NSD1: variants seen among roughly 807,000 people sequenced by gnomAD.
NSD1 encodes the protein histone-lysine N-methyltransferase, H3 lysine-36 specific.
Under a neutral mutation model 242.7 loss-of-function variants are expected in NSD1, and 26 were observed. That is an observed-to-expected ratio of 0.11 (90% CI 0.08 to 0.15). NSD1 has a LOEUF of 0.15. Among genes scored for constraint, NSD1 ranks in the 10% least tolerant of loss-of-function variants. The probability of loss-of-function intolerance (pLI) is 1.00; values close to 1 mark genes in which losing one functional copy is unlikely to be tolerated. For synonymous variants in NSD1, 1,106 were observed against 1,178.1 expected (o/e 0.94, Z 1.25); for missense variants, 2,495 against 3,272.8 (o/e 0.76, Z 5.80).
Position 177,269,567 on chromosome 5 carries a change from CT to C in NSD1, c.5304-34del. 6.3e-7 allele frequency: 1 copy of C among 1,596,768 alleles called. No homozygotes were observed. The highest frequency in any genetic ancestry group is 8.6e-7 in the Non-Finnish European group (1 of 1,164,522). Reference sequence around the variant, plus strand: ...TATTTTCCTAATGCCTTGCAGCCTTCTAGAGGTTTTCCTTCTCCTTTTCACC... The same window carrying C: ...TATTTTCCTAATGCCTTGCAGCCTTCAGAGGTTTTCCTTCTCCTTTTCACC... On this transcript the variant is annotated intron_variant, in intron 15 of 22. Transcript: ENST00000439151. The surrounding 1 kb of genome is among the most constrained non-coding windows in gnomAD (Gnocchi z 5.1).
At chr5:177,213,493 A>C (rs1763521359) in intron 5 of NSD1, among the ~76,000 whole-genome samples, 1 of 151,896 alleles carries the variant, frequency 6.6e-6, no homozygotes, top group Non-Finnish European at 1.5e-5. Context: ...CTTGAGACGG[A>C]GTCTCGCTCT....
chr5:177,227,614 T>C (rs1241713586), intron 5 of NSD1, among the ~76,000 whole-genome samples: 1 of 152,114 alleles, frequency 6.6e-6, no homozygotes, highest in African/African-American at 2.4e-5. Flanking sequence ...CTAATGTTTG[T>C]ATTTTTAGTA....
At chr5:177,243,842 T>C (rs1026774850) in intron 8 of NSD1, among the ~76,000 whole-genome samples, 9 of 152,082 alleles carry the variant, frequency 5.9e-5, no homozygotes, top group Non-Finnish European at 1.3e-4. Flanking sequence ...TACAGGCATG[T>C]GCCACCACAC....
upstream of NSD1, among the ~76,000 whole-genome samples, chr5:177,132,447 G>A (rs1755945920): frequency 6.6e-6 from 1 of 151,724 alleles, no homozygotes; most frequent in African/African-American, 2.4e-5. This position sits in a 1 kb window ranked among gnomAD's most constrained non-coding sequence, Gnocchi z 7.5. Flanking sequence ...CCCAGACCTT[G>A]ACTAGGCGCG....
intron 16 of NSD1, among the ~76,000 whole-genome samples, chr5:177,272,191 T>A (rs1036420908): frequency 7.4e-6 from 1 of 134,256 alleles, no homozygotes; most frequent in African/African-American, 2.8e-5. Flanking sequence ...TAATGGTGAA[T>A]TGTTCATGGG....
At chr5:177,265,137 C>A in intron 14 of NSD1, 1 of 758,016 alleles carries the variant, frequency 1.3e-6, no homozygotes, top group South Asian at 1.4e-5. Context: ...AACCTGGGTT[C>A]AACTGAAGCA....
chr5:177,173,466 C>CTTTTTTTTTTT lies in NSD1; in HGVS notation c.928-18404_928-18394dup, dbSNP rs768982432. On this transcript the variant is annotated intron_variant, in intron 2 of 22. Transcript: ENST00000439151. ...AGAATCTAAAATATTTACTATCTGG[C>CTTTTTTTTTTT]TTTTTTTTTTTTTTTTTTTTTTTTG... Among the ~76,000 whole-genome samples the CTTTTTTTTTTT allele has an allele frequency of 6.4e-5, 4 of 62,172 alleles. 1 individual carries two copies. The highest frequency in any genetic ancestry group is 2.3e-4 in the African/African-American group (3 of 13,190). 40.8% of individuals were successfully genotyped at this position (62,172 alleles called of 152,430 possible).
In NSD1 at chr5:177,210,549, A is replaced by G. The variant is rs1375785076; in HGVS notation, c.2150A>G (p.Lys717Arg). The change falls in exon 5 of 23, where the codon AAG (lysine) becomes AGG (arginine). Residue 717 changes from lysine (K) to arginine (R), a missense_variant. Physicochemically the swap from Lys to Arg is conservative, Grantham distance 26. This residue lies in a region of NSD1 where 515 missense variants were observed against 467.0 expected (regional missense o/e 1.10). Coordinates refer to ENST00000439151, the MANE Select transcript of NSD1 (RefSeq NM_022455.5). Reference sequence around the variant, plus strand: ...ACAGACCACTTAATGGGTTGTACTAAGAGTGCAGAGCCTGGAACCGAGACG... The same window carrying G: ...ACAGACCACTTAATGGGTTGTACTAGGAGTGCAGAGCCTGGAACCGAGACG... Reference protein sequence around the residue: ...SHTDHLMGCTKSAEPGTETSQ... With the variant: ...SHTDHLMGCTRSAEPGTETSQ... 2 of 1,614,204 alleles carry G rather than the reference A, an allele frequency of 1.2e-6. No homozygotes were observed. Among genetic ancestry groups the G allele is most frequent in the Non-Finnish European group, 1.7e-6 (2 of 1,180,026 alleles).
chr5:177,277,252 GT>G (rs1177356709), intron 17 of NSD1, among the ~76,000 whole-genome samples: 1 of 151,828 alleles, frequency 6.6e-6, no homozygotes, highest in Non-Finnish European at 1.5e-5. Flanking sequence ...ACTACAGGTT[GT>G]TTTTGTATTT....
chr5:177,194,726 G>C (rs1449269289), intron 3 of NSD1, among the ~76,000 whole-genome samples: 3 of 106,028 alleles, frequency 2.8e-5, no homozygotes, highest in East Asian at 2.6e-4. Flanking sequence ...TTTTGAGGCA[G>C]AGCCTTGCTC....
chr5:177,273,121 A>T (rs1297971604), intron 16 of NSD1, among the ~76,000 whole-genome samples: 2 of 152,130 alleles, frequency 1.3e-5, no homozygotes, highest in African/African-American at 4.8e-5. Context: ...AAAGGCAGTG[A>T]CTTTGCTAAG....
chr5:177,147,982 C>T (rs1757393344), intron 2 of NSD1, among the ~76,000 whole-genome samples: 1 of 152,080 alleles, frequency 6.6e-6, no homozygotes, highest in Non-Finnish European at 1.5e-5. Flanking sequence ...ACATCTGGGG[C>T]AATGCTAGCT....
intron 2 of NSD1, among the ~76,000 whole-genome samples, chr5:177,161,271 A>G (rs1009612938): frequency 7.9e-5 from 12 of 151,950 alleles, no homozygotes; most frequent in African/African-American, 2.7e-4. Context: ...GGTCCCAGCT[A>G]CTTGGGTGGT....
Position 177,212,187 on chromosome 5 carries a change from C to G in NSD1, c.3788C>G (p.Pro1263Arg). The change falls in exon 5 of 23, where the codon CCT becomes CGT. Residue 1263 changes from proline to arginine, a missense_variant. This residue lies in a region of NSD1 where 426 missense variants were observed against 411.4 expected (regional missense o/e 1.04). Transcript: ENST00000439151. The stretch of plus-strand genomic sequence containing the variant: ...AGTTTGACACCACAGGCTGAGCTCC[C>G]TGAACCAGGTAAGGACATCTAAATG... The part of the protein sequence containing the change: ...IPSLTPQAEL[P>R]EPAVRSEKKR... 6.2e-7 allele frequency: 1 copy of G among 1,613,534 alleles called. No individual in the cohort carries two copies.
At chr5:177,164,524 A>G (rs1350762000) in intron 2 of NSD1, among the ~76,000 whole-genome samples, 1 of 152,170 alleles carries the variant, frequency 6.6e-6, no homozygotes, top group Non-Finnish European at 1.5e-5. Context: ...GTAATCGTTT[A>G]TTAACAATCA....
intron 5 of NSD1, among the ~76,000 whole-genome samples, chr5:177,222,827 T>C (rs1358077765): frequency 2.0e-5 from 3 of 152,160 alleles, no homozygotes; most frequent in Admixed American, 2.0e-4. Context: ...TTATTTGGGT[T>C]GTCTTTTTAT....
At chr5:177,246,097 A>G (rs1421848600) in intron 9 of NSD1, among the ~76,000 whole-genome samples, 1 of 151,298 alleles carries the variant, frequency 6.6e-6, no homozygotes, top group East Asian at 1.9e-4. Flanking sequence ...CAACCTCCTG[A>G]GTAGCTGGGA....
intron 12 of NSD1, among the ~76,000 whole-genome samples, chr5:177,253,110 TTTTG>T: frequency 6.6e-6 from 1 of 152,244 alleles, no homozygotes; most frequent in Admixed American, 6.5e-5. Flanking sequence ...GAAGAGAGGC[TTTTG>T]TATGTGGCAG....
At chr5:177,262,294 C>T (rs1175169025) in intron 14 of NSD1, among the ~76,000 whole-genome samples, 2 of 152,102 alleles carry the variant, frequency 1.3e-5, no homozygotes, top group African/African-American at 4.8e-5. Flanking sequence ...CTTTTTCTTT[C>T]CTCTTTCTTA....
Sources: allele counts gnomAD v4.1 joint callset (sites outside exome capture counted in the v4.1 genomes callset), GRCh38; gene constraint gnomAD v4.1.1; regional missense constraint gnomAD v4.1.1; non-coding constraint Gnocchi (gnomAD v3.1); transcripts MANE v1.5; gene names NCBI Gene and HGNC (gene_info 2026-07-23, HGNC 2026-07-21).